ZC3H12B: variants seen among roughly 807,000 people sequenced by gnomAD.
ZC3H12B encodes the protein probable ribonuclease ZC3H12B.
A neutral mutation model predicts 43.9 loss-of-function variants in ZC3H12B; 7 were observed. The observed-to-expected ratio is 0.16, with a 90% CI of 0.09 to 0.30. The LOEUF (loss-of-function observed/expected upper bound fraction) is 0.30. Ranked by LOEUF, ZC3H12B falls within the 10% of genes least tolerant of loss-of-function variation. ZC3H12B has a pLI of 1.00. For synonymous variants in ZC3H12B, 222 were observed against 241.7 expected (o/e 0.92, Z 0.76); for missense variants, 475 against 670.2 (o/e 0.71, Z 3.22).
the ZC3H12B span, among the ~76,000 whole-genome samples, chrX:65,195,801 C>T: frequency 2.7e-5 from 3 of 112,033 alleles, no homozygotes; most frequent in Non-Finnish European, 5.6e-5. Context: ...ACACCTTTGT[C>T]CTACTGAGTT....
At chrX:65,087,854 G>A in the ZC3H12B span, among the ~76,000 whole-genome samples, 1 of 111,982 alleles carries the variant, frequency 8.9e-6, no homozygotes, top group East Asian at 2.8e-4. Context: ...ATTTCATACC[G>A]TGAGTTGAAA....
At chrX:65,375,487 C>A (rs188850699) in intron 2 of ZC3H12B, among the ~76,000 whole-genome samples, 4 of 112,112 alleles carry the variant, frequency 3.6e-5, no homozygotes, top group African/African-American at 1.3e-4. Flanking sequence ...CATGCCACAT[C>A]GCGCCCAACC....
chrX:65,145,700 T>A, the ZC3H12B span, among the ~76,000 whole-genome samples: 1 of 111,364 alleles, frequency 9.0e-6, no homozygotes, highest in African/African-American at 3.3e-5. Flanking sequence ...TCTCTTAGCA[T>A]TTGTTTGTCT....
At chrX:65,174,127 G>A in the ZC3H12B span, among the ~76,000 whole-genome samples, 9 of 111,047 alleles carry the variant, frequency 8.1e-5, no homozygotes, top group East Asian at 2.3e-3. Context: ...TCATCCCAGA[G>A]GGGCACCAGC....
chrX:65,383,062 C>G (rs987938546), intron 2 of ZC3H12B, among the ~76,000 whole-genome samples: 1 of 111,460 alleles, frequency 9.0e-6, no homozygotes, highest in African/African-American at 3.3e-5. Flanking sequence ...CCATCCCCAT[C>G]AAGCTACCAA....
chrX:65,489,447 C>T, intron 1 of ZC3H12B, 38 bp downstream of exon 6: 1 of 1,142,184 alleles, frequency 8.8e-7, no homozygotes, highest in Non-Finnish European at 1.2e-6. Flanking sequence ...TTTTAAAAAA[C>T]TGCCCTGAGC....
intron 3 of ZC3H12B, among the ~76,000 whole-genome samples, chrX:65,480,848 A>G (rs1239674003): frequency 1.9e-5 from 2 of 106,475 alleles, no homozygotes; most frequent in Non-Finnish European, 3.9e-5. Flanking sequence ...CTCTGACTCA[A>G]AAAAAAAAAA....
chrX:65,292,889 T>G, the ZC3H12B span, among the ~76,000 whole-genome samples: 78 of 111,187 alleles, frequency 7.0e-4, no homozygotes, highest in African/African-American at 2.5e-3. Flanking sequence ...GAGGCTGAGG[T>G]AGGAGGATCA....
the ZC3H12B span, among the ~76,000 whole-genome samples, chrX:65,276,236 G>A: frequency 9.0e-6 from 1 of 111,458 alleles, no homozygotes; most frequent in Admixed American, 9.6e-5. Flanking sequence ...TATTATGGGT[G>A]TTTCAGAAAG....
At chrX:65,410,364 C>G (rs7886034) in intron 3 of ZC3H12B, among the ~76,000 whole-genome samples, 1 of 111,560 alleles carries the variant, frequency 9.0e-6, no homozygotes. Context: ...GAAACTACTA[C>G]GAGAAAACAT....
chrX:65,169,946 C>A, the ZC3H12B span, among the ~76,000 whole-genome samples: 1 of 111,747 alleles, frequency 8.9e-6, no homozygotes, highest in Non-Finnish European at 1.9e-5. Flanking sequence ...CGAGACGGGT[C>A]TCCTGAATAC....
chrX:65,372,288 T>G (rs2066255562), intron 2 of ZC3H12B, among the ~76,000 whole-genome samples: 1 of 111,868 alleles, frequency 8.9e-6, no homozygotes, highest in African/African-American at 3.2e-5. Context: ...AGAAGCCTAG[T>G]GCTCCAAAAA....
chrX:65,431,189 T>C (rs1357998471), intron 3 of ZC3H12B, among the ~76,000 whole-genome samples: 1 of 112,735 alleles, frequency 8.9e-6, no homozygotes, highest in Non-Finnish European at 1.9e-5. Context: ...ATGATGGTGA[T>C]TAAGGCATTC....
chrX:65,101,799 C>T, the ZC3H12B span, among the ~76,000 whole-genome samples: 1 of 112,136 alleles, frequency 8.9e-6, no homozygotes, highest in African/African-American at 3.2e-5. Flanking sequence ...CAGCCTAATT[C>T]TTCCAGAAGT....
At chrX:65,176,053 C>T in the ZC3H12B span, among the ~76,000 whole-genome samples, 2 of 111,731 alleles carry the variant, frequency 1.8e-5, no homozygotes, top group African/African-American at 6.5e-5. Flanking sequence ...ATTCACTACC[C>T]TGGAAAGGAG....
chrX:65,111,813 T>C, the ZC3H12B span, among the ~76,000 whole-genome samples: 1 of 110,920 alleles, frequency 9.0e-6, no homozygotes, highest in African/African-American at 3.3e-5. Flanking sequence ...GATTACTCCA[T>C]GGACTGGCCA....
At chrX:65,194,096 A>G in the ZC3H12B span, among the ~76,000 whole-genome samples, 1 of 109,373 alleles carries the variant, frequency 9.1e-6, no homozygotes, top group African/African-American at 3.3e-5. Flanking sequence ...GATCCTATCA[A>G]CTCCCACCAG....
intron 3 of ZC3H12B, among the ~76,000 whole-genome samples, chrX:65,455,503 G>C (rs1471430341): frequency 1.8e-5 from 2 of 112,104 alleles, no homozygotes; most frequent in African/African-American, 6.5e-5. Context: ...ATGTCTGATT[G>C]GTGTATTTGA....
At chrX:65,128,977 T>C in the ZC3H12B span, among the ~76,000 whole-genome samples, 248 of 111,186 alleles carry the variant, frequency 2.2e-3, 2 homozygotes, top group African/African-American at 7.5e-3. Context: ...TGTTAGGTCA[T>C]GTTTTTTAAT....
Sources: allele counts gnomAD v4.1 joint callset (sites outside exome capture counted in the v4.1 genomes callset), GRCh38; gene constraint gnomAD v4.1.1; transcripts MANE v1.5; gene names NCBI Gene and HGNC (gene_info 2026-07-23, HGNC 2026-07-21).